Variants in DRICH1 observed in about 807,000 individuals in gnomAD.
DRICH1 encodes the protein aspartate rich 1.
Under a neutral mutation model 39.5 loss-of-function variants are expected in DRICH1, and 38 were observed. That is an observed-to-expected ratio of 0.96 (90% confidence interval 0.74 to 1.26). The LOEUF is 1.26. Ranked by LOEUF, DRICH1 falls within the 50% of genes most tolerant of loss-of-function variation. The pLI is 0.00. For synonymous variants in DRICH1, 84 were observed against 99.5 expected, an observed-to-expected ratio of 0.84 and a Z score of 0.93; for missense variants, 279 against 270.4, an observed-to-expected ratio of 1.03 and a Z score of -0.22.
chr22:23,631,119 TA>T (rs912047382), intron 1 of DRICH1, among the ~76,000 whole-genome samples: 2 of 151,768 alleles, frequency 1.3e-5, no homozygotes, highest in Admixed American at 6.6e-5. Flanking sequence ...CCTCGGAACT[TA>T]AAAAAAATTA....
chr22:23,602,372 G>A, the DRICH1 span, among the ~76,000 whole-genome samples: 2 of 122,910 alleles, frequency 1.6e-5, no homozygotes, highest in East Asian at 5.0e-4. Context: ...TGAGAGCAGG[G>A]GCTCACCCCT....
the DRICH1 span, among the ~76,000 whole-genome samples, chr22:23,597,883 A>T: frequency 1.7e-3 from 252 of 151,224 alleles, no homozygotes; most frequent in Non-Finnish European, 2.0e-3. Flanking sequence ...CAGCCCTGAA[A>T]TACGCTCCCC....
the DRICH1 span, chr22:23,583,309 G>A: frequency 6.6e-6 from 1 of 152,116 alleles, no homozygotes; most frequent in Non-Finnish European, 1.5e-5. Flanking sequence ...TTTGCCTTAG[G>A]TCCTCCATAT....
At chr22:23,598,895 G>T in the DRICH1 span, among the ~76,000 whole-genome samples, 1 of 151,276 alleles carries the variant, frequency 6.6e-6, no homozygotes, top group Non-Finnish European at 1.5e-5. Flanking sequence ...CCTGATCTCG[G>T]TTTCCCCATT....
the DRICH1 span, among the ~76,000 whole-genome samples, chr22:23,586,410 G>A: frequency 6.6e-6 from 1 of 152,186 alleles, no homozygotes; most frequent in Non-Finnish European, 1.5e-5. Flanking sequence ...GATCATCTGA[G>A]CCCAGGAGGT....
intron 6 of DRICH1, among the ~76,000 whole-genome samples, chr22:23,618,113 C>CTTTTT (rs368348650): frequency 7.9e-6 from 1 of 127,332 alleles, no homozygotes; most frequent in Non-Finnish European, 1.7e-5. Context: ...ATCACACATT[C>CTTTTT]TTTTTTTTTT....
At chr22:23,622,305 T>A (rs1185620316) in intron 3 of DRICH1, 129 bp from the exon 4 acceptor site, 3 of 834,234 alleles carry the variant, frequency 3.6e-6, no homozygotes, top group Non-Finnish European at 6.2e-6. Flanking sequence ...TGCTGGGCTA[T>A]TCCCCTGAGT....
At chr22:23,631,649 A>G (rs1370641600) in intron 1 of DRICH1, among the ~76,000 whole-genome samples, 167 bp downstream of exon 1, 1 of 141,372 alleles carries the variant, frequency 7.1e-6, no homozygotes, top group Non-Finnish European at 1.5e-5. Context: ...AACGACAAAG[A>G]CAGGAGGCAG....
At chr22:23,593,977 C>CAAAAAAAAAAAA in the DRICH1 span, among the ~76,000 whole-genome samples, 4 of 89,056 alleles carry the variant, frequency 4.5e-5, no homozygotes, top group Non-Finnish European at 5.0e-5. Context: ...GACTCTGTCT[C>CAAAAAAAAAAAA]AAAAAAAAAA....
the DRICH1 span, among the ~76,000 whole-genome samples, chr22:23,588,078 TC>T: frequency 6.6e-6 from 1 of 152,136 alleles, no homozygotes; most frequent in South Asian, 2.1e-4. Flanking sequence ...CAGCAGTAGT[TC>T]CTGATAAAAT....
the DRICH1 span, among the ~76,000 whole-genome samples, chr22:23,595,142 C>T: frequency 7.0e-6 from 1 of 143,280 alleles, no homozygotes; most frequent in African/African-American, 2.5e-5. Flanking sequence ...GAAGGGTTGG[C>T]AGTTTCATAA....
intron 1 of DRICH1, among the ~76,000 whole-genome samples, chr22:23,626,871 A>G (rs957715743): frequency 2.0e-5 from 3 of 152,054 alleles, no homozygotes; most frequent in Non-Finnish European, 4.4e-5. Context: ...GGCCCATTAC[A>G]GGTCTCACCT....
intron 3 of DRICH1, chr22:23,623,783 T>A (rs2123788712): frequency 4.2e-6 from 1 of 238,426 alleles, no homozygotes; most frequent in Non-Finnish European, 6.8e-6. Flanking sequence ...TGCTTCTAGC[T>A]TGGGGGCACC....
the DRICH1 span, among the ~76,000 whole-genome samples, chr22:23,585,724 T>A: frequency 1.3e-5 from 2 of 152,204 alleles, no homozygotes; most frequent in East Asian, 1.9e-4. Flanking sequence ...CTCACTGTGT[T>A]GCCCGGGCTG....
chr22:23,630,525 T>C (rs748359387), intron 1 of DRICH1: 5 of 152,210 alleles, frequency 3.3e-5, no homozygotes, highest in Non-Finnish European at 5.9e-5. Context: ...TTTTTCTTCC[T>C]TTTTATTAGA....
downstream of DRICH1, chr22:23,607,290 A>T (rs2123753587): frequency 6.6e-6 from 1 of 152,404 alleles, no homozygotes; most frequent in South Asian, 2.1e-4. Context: ...ACATTTAGAC[A>T]ACCCTCCAGG....
rs1471462842 is a variant in DRICH1 at position 23,624,889 on chromosome 22, C to A, written c.292G>T (p.Val98Phe). ...GTTAGTTCAAGGTACGTACCCTGGA[C>A]AGGTGATGGTAAAATCTGCAATGAG... is the stretch of plus-strand genomic sequence containing the variant. ...NDDAKILPSPVQGSSEDNLSL... is the reference protein window; with the variant it reads ...NDDAKILPSPFQGSSEDNLSL... The change falls in exon 3 of 12, where the codon GTC (valine) becomes TTC (phenylalanine). Residue 98 changes from valine to phenylalanine, a missense_variant. Val to Phe is a conservative substitution (Grantham distance 50). Transcript: ENST00000317749. 1.9e-6 allele frequency: 3 copies of A among 1,613,524 alleles called. No homozygotes were observed. Among genetic ancestry groups the A allele is most frequent in the Admixed American group, 3.3e-5 (2 of 59,980 alleles).
At chr22:23,620,013 G>C (rs1439569717) in intron 5 of DRICH1, among the ~76,000 whole-genome samples, 3 of 152,154 alleles carry the variant, frequency 2.0e-5, no homozygotes, top group Non-Finnish European at 2.9e-5. Flanking sequence ...TGCAGTGCCA[G>C]AGGCAGAAAA....
At chr22:23,614,505 C>A (rs1305725293) in intron 8 of DRICH1, among the ~76,000 whole-genome samples, 1 of 152,200 alleles carries the variant, frequency 6.6e-6, no homozygotes, top group Non-Finnish European at 1.5e-5. Flanking sequence ...GCCTTCCTCC[C>A]TCTCAAATGT....
Sources: gnomAD v4.1 joint callset for allele counts (sites outside exome capture counted in the v4.1 genomes callset) on GRCh38, gnomAD v4.1.1 for gene constraint, MANE v1.5 for transcripts, NCBI Gene and HGNC (gene_info 2026-07-23, HGNC 2026-07-21) for gene names.